Variants in ERC1 observed in about 807,000 individuals in gnomAD.
The protein encoded by ERC1 is ELKS/RAB6-interacting/CAST family member 1, also known as RAB6 interacting protein 2.
Under a neutral mutation model 132.0 loss-of-function variants are expected in ERC1, and 56 were observed. The ratio of observed to expected loss-of-function variants is 0.42; its 90% CI spans 0.34 to 0.53. The LOEUF is 0.53. Among genes scored for constraint, ERC1 ranks in the 20% least tolerant of loss-of-function variants. The pLI is 0.03. For missense variants in ERC1, 1,202 were observed against 1,349.9 expected (o/e 0.89, Z 1.72); for synonymous variants, 478 against 476.1 (o/e 1.00, Z -0.05).
At chr12:1,050,117 C>T (rs1971689358) in intron 2 of ERC1, among the ~76,000 whole-genome samples, 1 of 152,152 alleles carries the variant, frequency 6.6e-6, no homozygotes. Flanking sequence ...GGTTGTTCCA[C>T]AACCTCCTGG....
At chr12:1,093,789 A>G (rs1943557778) in intron 3 of ERC1, among the ~76,000 whole-genome samples, 1 of 151,336 alleles carries the variant, frequency 6.6e-6, no homozygotes, top group Admixed American at 6.6e-5. Context: ...AGCATATCTG[A>G]GGACTGCTTG....
chr12:1,418,695 T>TTTC (rs1362151403), intron 17 of ERC1, among the ~76,000 whole-genome samples: 2 of 144,168 alleles, frequency 1.4e-5, no homozygotes, highest in Non-Finnish European at 1.5e-5. Flanking sequence ...TCTTTCTTTC[T>TTTC]TTCTTTCTTT....
intron 6 of ERC1, 103 bp from the exon 7 acceptor site, chr12:1,115,763 C>T (rs940562323): frequency 2.0e-6 from 2 of 997,386 alleles, no homozygotes; most frequent in Non-Finnish European, 1.5e-6. Context: ...ACAGTTCGTG[C>T]TGCATTTAGT....
In ERC1 at chr12:1,276,842, G is replaced by A. The variant is rs369938840; in HGVS notation, c.2620-13010G>A. ...ATCACTGTACTTACTAAACAATTTA[G>A]GATTTAATGGTAATTTTATCATATT... On this transcript the variant is annotated intron_variant, in intron 14 of 18. Transcript: ENST00000360905. Among the ~76,000 whole-genome samples, 128 of 152,150 alleles carry A rather than the reference G, an allele frequency of 8.4e-4. 1 individual carries two copies. Among genetic ancestry groups the A allele is most frequent in the African/African-American group, 3.0e-3 (124 of 41,512 alleles).
At chr12:1,173,035 A>G (rs1311657045) in intron 8 of ERC1, among the ~76,000 whole-genome samples, 1 of 152,138 alleles carries the variant, frequency 6.6e-6, no homozygotes, top group African/African-American at 2.4e-5. Context: ...TTGGTACCTC[A>G]TTCTTTGGGG....
At chr12:1,109,860 C>T (rs1264351449) in intron 4 of ERC1, among the ~76,000 whole-genome samples, 1 of 152,146 alleles carries the variant, frequency 6.6e-6, no homozygotes, top group African/African-American at 2.4e-5. Context: ...CCAGCCTGGC[C>T]AACATGGCAA....
chr12:1,251,001 T>A (rs1214230852), intron 13 of ERC1, among the ~76,000 whole-genome samples: 2 of 152,204 alleles, frequency 1.3e-5, no homozygotes, highest in East Asian at 3.8e-4. Context: ...AAATCAGCTT[T>A]ACATATATTT....
chr12:1,024,630 A>G (rs1966815413), intron 1 of ERC1, among the ~76,000 whole-genome samples: 1 of 152,224 alleles, frequency 6.6e-6, no homozygotes, highest in African/African-American at 2.4e-5. Context: ...ATATTGTTTA[A>G]TATGCTGAAG....
At chr12:1,205,487 T>C (rs904849233) in intron 12 of ERC1, among the ~76,000 whole-genome samples, 7 of 151,710 alleles carry the variant, frequency 4.6e-5, no homozygotes, top group African/African-American at 1.7e-4. Context: ...GCATATGGGT[T>C]ACACTGGGAT....
intron 17 of ERC1, among the ~76,000 whole-genome samples, chr12:1,415,569 T>G (rs376603719): frequency 6.6e-6 from 1 of 152,220 alleles, no homozygotes; most frequent in East Asian, 1.9e-4. Context: ...AAAATTATTC[T>G]CATTGCAACA....
At chr12:1,148,203 A>G (rs1184623790) in intron 8 of ERC1, among the ~76,000 whole-genome samples, 1 of 152,158 alleles carries the variant, frequency 6.6e-6, no homozygotes, top group Non-Finnish European at 1.5e-5. Flanking sequence ...GTATTAGTCC[A>G]TTTTCACACT....
At chr12:1,229,137 T>G (rs2074832884) in intron 12 of ERC1, among the ~76,000 whole-genome samples, 2 of 152,190 alleles carry the variant, frequency 1.3e-5, no homozygotes, top group Non-Finnish European at 2.9e-5. Flanking sequence ...AGCCATCTGG[T>G]CCTCAGCTTT....
intron 12 of ERC1, among the ~76,000 whole-genome samples, chr12:1,224,643 G>A (rs1258548413): frequency 1.3e-5 from 2 of 151,838 alleles, no homozygotes; most frequent in East Asian, 3.8e-4. Flanking sequence ...AATATTTTAT[G>A]TCTGAAGTAG....
chr12:1,371,849 G>C lies in ERC1; in HGVS notation c.2797G>C (p.Ala933Pro). Residue 933 changes from alanine to proline, a missense_variant, in exon 16 of 19, where the codon GCT becomes CCT. Ala to Pro is a conservative substitution (Grantham distance 27). Transcript: ENST00000360905. ...CTTTTGCAGGCAAGAAGCTCTTCTG[G>C]CTGCCATTAGTGAAAAAGACGCCAA... Reference protein sequence around the residue: ...VLEMKQEALLAAISEKDANIA... With the variant: ...VLEMKQEALLPAISEKDANIA... 6.2e-7 allele frequency: 1 copy of C among 1,613,694 alleles called. No homozygotes were observed. The highest frequency in any genetic ancestry group is 8.5e-7 in the Non-Finnish European group (1 of 1,179,952).
At chr12:1,232,709 A>G (rs947253446) in intron 12 of ERC1, among the ~76,000 whole-genome samples, 4 of 151,056 alleles carry the variant, frequency 2.6e-5, no homozygotes, top group Non-Finnish European at 5.9e-5. Context: ...TGTTTTCCTA[A>G]TTTTTGTTGA....
At chr12:1,165,804 C>G (rs542733910) in intron 8 of ERC1, among the ~76,000 whole-genome samples, 1 of 152,180 alleles carries the variant, frequency 6.6e-6, no homozygotes, top group East Asian at 1.9e-4. Flanking sequence ...TTTTTCCAAT[C>G]GAGCTAGAAT....
intron 15 of ERC1, among the ~76,000 whole-genome samples, chr12:1,304,716 C>T (rs1424624260): frequency 6.6e-6 from 1 of 150,726 alleles, no homozygotes; most frequent in African/African-American, 2.4e-5. Flanking sequence ...TATTTAAAGG[C>T]CCTTTAACAC....
chr12:1,285,530 TATAAAG>T (rs2154338253), intron 14 of ERC1, among the ~76,000 whole-genome samples: 1 of 152,288 alleles, frequency 6.6e-6, no homozygotes, highest in South Asian at 2.1e-4. Flanking sequence ...GCTAGAAAGA[TATAAAG>T]ATATCTTTGC....
chr12:1,104,610 G>C (rs1945044966), intron 3 of ERC1, 140 bp from the exon 4 acceptor site: 1 of 629,308 alleles, frequency 1.6e-6, no homozygotes, highest in Non-Finnish European at 2.9e-6. Context: ...CTGATTCACA[G>C]GGAAAGGTTG....
Sources: allele counts gnomAD v4.1 joint callset (sites outside exome capture counted in the v4.1 genomes callset), GRCh38; gene constraint gnomAD v4.1.1; transcripts MANE v1.5; gene names NCBI Gene and HGNC (gene_info 2026-07-23, HGNC 2026-07-21).